Variants in NFKBIB observed in about 807,000 individuals in gnomAD.
NFKBIB encodes NF-kappa-B inhibitor beta.
NFKBIB carries 16 observed loss-of-function variants against 32.1 expected under a neutral mutation model. That is an observed-to-expected ratio of 0.50 (90% CI 0.34 to 0.76). NFKBIB has a LOEUF of 0.76. Ranked by LOEUF, NFKBIB falls within the 30% of genes least tolerant of loss-of-function variation. The pLI, the probability that NFKBIB is intolerant of heterozygous loss-of-function variation, is 0.01. For synonymous variants in NFKBIB, 222 were observed against 219.5 expected, an observed-to-expected ratio of 1.01 and a Z score of -0.10; for missense variants, 437 against 514.9, an observed-to-expected ratio of 0.85 and a Z score of 1.46.
At position 38,905,883 on chromosome 19, in the gene NFKBIB, C is replaced by G. The variant is rs1448950562; in HGVS notation, c.619+348C>G. ...GGACCGGGGAATGCAGAGCTCAGGC[C>G]CTCTGTGAAACTCTGGCACCCCAGG... On this transcript the variant is annotated intron_variant, in intron 3 of 5. Transcript: ENST00000313582. This position sits in a 1 kb window ranked among gnomAD's most constrained non-coding sequence, Gnocchi z 5.5. Among the ~76,000 whole-genome samples the G allele has an allele frequency of 4.6e-5, 7 of 152,130 alleles. No homozygotes were observed. Among genetic ancestry groups the G allele is most frequent in the African/African-American group, 1.4e-4 (6 of 41,406 alleles).
Position 38,907,430 on chromosome 19 carries a change from T to G in NFKBIB, c.740T>G (p.Leu247Trp). 1 of 1,598,658 alleles carries G rather than the reference T, an allele frequency of 6.3e-7. No homozygotes were observed. ...ACGTGCGGCCGGAGCCCCCTTCATT[T>G]GGCAGTGGAGGCCCAGGCAGCCGAT... The part of the protein sequence containing the change: ...EPTCGRSPLH[L>W]AVEAQAADVL... The change falls in exon 5 of 6, where the codon TTG (leucine) becomes TGG (tryptophan). Residue 247 changes from leucine to tryptophan, a missense_variant. Physicochemically the swap from Leu to Trp is moderately conservative, Grantham distance 61. Transcript: ENST00000313582.
In NFKBIB at chr19:38,907,548, C is replaced by T. The variant is rs747926685; in HGVS notation, c.858C>T (p.Asn286=). The T allele has an allele frequency of 1.1e-5, 17 of 1,612,480 alleles. No homozygotes were observed. The highest frequency in any genetic ancestry group is 2.7e-5 in the African/African-American group (2 of 74,940). Residue 286 remains asparagine (N), a synonymous_variant, in exon 5 of 6, where the codon AAC becomes AAT. Transcript: ENST00000313582. ...TPLGSAMLRP[N]PILARLLRAH... ...TCGGCAGTGCCATGCTCCGGCCCAACCCCATCCTCGCCCGCCTCCTCCGTG... is the reference window on the plus strand; with the variant it reads ...TCGGCAGTGCCATGCTCCGGCCCAATCCCATCCTCGCCCGCCTCCTCCGTG...
rs1974081479 is a variant in NFKBIB, at chr19:38,905,311, A to G, written c.395A>G (p.His132Arg). The G allele has an allele frequency of 6.2e-7, 1 of 1,608,664 alleles. No individual in the cohort carries two copies. Among genetic ancestry groups the G allele is most frequent in the African/African-American group, 1.3e-5 (1 of 74,830 alleles). ...GAGCGTAGGGGCCACACGGCGCTGC[A>G]CCTGGCCTGCCGTGTGGGGGCACAC... is the stretch of plus-strand genomic sequence containing the variant. ...VAERRGHTALHLACRVGAHAC... is the reference protein window; with the variant it reads ...VAERRGHTALRLACRVGAHAC... Residue 132 changes from histidine to arginine, a missense_variant, in exon 3 of 6, where the codon CAC (histidine) becomes CGC (arginine). By Grantham distance (29) the His-to-Arg change is conservative. Coordinates refer to ENST00000313582, the MANE Select transcript of NFKBIB (RefSeq NM_002503.5). The surrounding 1 kb of genome is among the most constrained non-coding windows in gnomAD (Gnocchi z 5.5).
chr19:38,899,874 A>G, upstream of NFKBIB: 1 of 774,878 alleles, frequency 1.3e-6, no homozygotes, highest in Non-Finnish European at 2.0e-6. Context: ...ATTGGTCAGG[A>G]TGCAGTACGA....
At position 38,908,740 on chromosome 19, in the gene NFKBIB, G is replaced by A. The variant is rs141886159; in HGVS notation, c.979G>A (p.Asp327Asn). The A allele has an allele frequency of 1.1e-5, 18 of 1,612,938 alleles. 1 individual carries two copies. Among genetic ancestry groups the A allele is most frequent in the African/African-American group, 1.1e-4 (8 of 74,808 alleles). The part of the protein sequence containing the change: ...SDSGDEGDEY[D>N]DIVVHSSRSQ... ...TCCCCTTTGCCCCCAGGATGAATAC[G>A]ACGACATTGTGGTTCACAGCAGCCG... Residue 327 changes from aspartate (D) to asparagine (N), a missense_variant, in exon 6 of 6, where the codon GAC (aspartate) becomes AAC (asparagine). Coordinates refer to ENST00000313582, the MANE Select transcript of NFKBIB (RefSeq NM_002503.5).
upstream of NFKBIB, chr19:38,899,808 G>C (rs1269233463): frequency 2.9e-6 from 2 of 684,368 alleles, no homozygotes; most frequent in Non-Finnish European, 4.9e-6. Context: ...TGTTGGTAAA[G>C]GGCGCCCGGA....
At chr19:38,902,919 CAA>C (rs1372179601) in intron 1 of NFKBIB, among the ~76,000 whole-genome samples, 1 of 152,066 alleles carries the variant, frequency 6.6e-6, no homozygotes, top group African/African-American at 2.4e-5. Flanking sequence ...ACTAAAAATA[CAA>C]AAAGTTAGCT....
rs17883392 is a variant in NFKBIB at position 38,904,749 on chromosome 19, CTTGTTTGT to C, written c.180-251_180-244del. ...TTCATATACCGTATTTCGTCTGACT[CTTGTTTGT>C]TTGTTTGTTTGTTTCACGTGGGAGT... On this transcript the variant is annotated intron_variant, in intron 1 of 5. Coordinates refer to ENST00000313582, the MANE Select transcript of NFKBIB (RefSeq NM_002503.5). Among the ~76,000 whole-genome samples the C allele has an allele frequency of 2.3e-4, 35 of 151,178 alleles. 1 individual carries two copies. The highest frequency in any genetic ancestry group is 6.3e-4 in the South Asian group (3 of 4,798).
At position 38,900,031 on chromosome 19, in the gene NFKBIB, C is replaced by G; in HGVS notation, c.-2C>G. On this transcript the variant is annotated 5_prime_UTR_variant, in exon 1 of 6. Transcript: ENST00000313582. ...CGGGGGGCCCCTGAGGCGGCGGGGGCCATGGCTGGGGTCGCGTGCTTGGGA... is the reference window on the plus strand; with the variant it reads ...CGGGGGGCCCCTGAGGCGGCGGGGGGCATGGCTGGGGTCGCGTGCTTGGGA... 6.8e-7 allele frequency: 1 copy of G among 1,469,026 alleles called. No individual in the cohort carries two copies. Among genetic ancestry groups the G allele is most frequent in the Non-Finnish European group, 9.0e-7 (1 of 1,112,288 alleles). 91.0% of individuals were successfully genotyped at this position (1,469,026 alleles called of 1,614,324 possible).
chr19:38,905,592 C>T lies in NFKBIB; in HGVS notation c.619+57C>T. On this transcript the variant is annotated intron_variant, in intron 3 of 5. Coordinates refer to ENST00000313582, the MANE Select transcript of NFKBIB (RefSeq NM_002503.5). The surrounding 1 kb of genome is among the most constrained non-coding windows in gnomAD (Gnocchi z 5.5). Reference sequence around the variant, plus strand: ...CCTGGGCTAGGCGAGAGCACCTGGCCCTGGGCTCAGCTTCCCTGATTTGAG... The same window carrying T: ...CCTGGGCTAGGCGAGAGCACCTGGCTCTGGGCTCAGCTTCCCTGATTTGAG... The T allele has an allele frequency of 7.1e-7, 1 of 1,399,338 alleles. No homozygotes were observed. The highest frequency in any genetic ancestry group is 9.8e-7 in the Non-Finnish European group (1 of 1,024,380). The allele number at this position is 1,399,338 out of a possible 1,614,324, so 86.7% of individuals were successfully genotyped here. A position where few individuals can be genotyped will look rare whatever the true frequency, so the allele number is the denominator to read the frequency against.
upstream of NFKBIB, chr19:38,899,832 G>A (rs1374900917): frequency 1.4e-6 from 1 of 705,218 alleles, no homozygotes; most frequent in African/African-American, 1.8e-5. Context: ...TGTGGGAACG[G>A]CTAGAGAGTT....
intron 1 of NFKBIB, among the ~76,000 whole-genome samples, chr19:38,900,722 A>T (rs868371367): frequency 5.3e-4 from 80 of 152,228 alleles, no homozygotes; most frequent in African/African-American, 1.8e-3. Flanking sequence ...TAGGAAAATT[A>T]AAAAAAAGAA....
intron 1 of NFKBIB, among the ~76,000 whole-genome samples, chr19:38,903,686 T>C (rs1277490033): frequency 6.6e-6 from 1 of 152,218 alleles, no homozygotes; most frequent in East Asian, 1.9e-4. Flanking sequence ...GGATCATGTT[T>C]TCCTGCTTCT....
In NFKBIB at chr19:38,907,272, G is replaced by T; in HGVS notation, c.671G>T (p.Arg224Leu). Residue 224 changes from arginine to leucine, a missense_variant, in exon 4 of 6, where the codon CGG becomes CTG. Arg to Leu is a moderately radical substitution (Grantham distance 102). Transcript: ENST00000313582. Reference protein sequence around the residue: ...AVIHKDVEMVRLLRDAGADLD... With the variant: ...AVIHKDVEMVLLLRDAGADLD... ...ATCCACAAAGATGTGGAGATGGTCC[G>T]GCTGCTCCGAGATGCTGGAGCTGAC... is the stretch of plus-strand genomic sequence containing the variant. The T allele has an allele frequency of 1.2e-6, 2 of 1,613,700 alleles. No homozygotes were observed. Among genetic ancestry groups the T allele is most frequent in the Non-Finnish European group, 1.7e-6 (2 of 1,179,774 alleles).
intron 3 of NFKBIB, 49 bp from the exon 4 acceptor site, chr19:38,907,172 T>G (rs1974154780): frequency 3.3e-6 from 5 of 1,505,534 alleles, no homozygotes; most frequent in South Asian, 1.2e-5. Context: ...CACGGTGGGG[T>G]GGGGGGGGCC....
At chr19:38,903,415 G>T (rs1371092176) in intron 1 of NFKBIB, among the ~76,000 whole-genome samples, 1 of 151,872 alleles carries the variant, frequency 6.6e-6, no homozygotes, top group Non-Finnish European at 1.5e-5. Context: ...TCCTGTGTAG[G>T]TGGGATTACA....
rs1356838894 is a variant in NFKBIB at position 38,908,067 on chromosome 19, G to GA, written c.969+409dup. On this transcript the variant is annotated intron_variant, in intron 5 of 5. Transcript: ENST00000313582. ...GGGCAGGACCCGAGCCAGCGGTGGGGAGAGATATAGTCAGAGAACCCAGCA... is the reference window on the plus strand; with the variant it reads ...GGGCAGGACCCGAGCCAGCGGTGGGGAAGAGATATAGTCAGAGAACCCAGCA... 3.4e-5 allele frequency: 36 copies of GA among 1,061,740 alleles called. No individual in the cohort carries two copies. The African/African-American group carries it at 6.0e-4, about 18-fold the overall frequency. 65.8% of individuals were successfully genotyped at this position (1,061,740 alleles called of 1,614,324 possible).
At position 38,905,401 on chromosome 19, in the gene NFKBIB, T is replaced by G; in HGVS notation, c.485T>G (p.Leu162Arg). Residue 162 changes from leucine (L) to arginine (R), a missense_variant, in exon 3 of 6, where the codon CTC becomes CGC. Physicochemically the swap from Leu to Arg is moderately radical, Grantham distance 102 (BLOSUM62 -2). Transcript: ENST00000313582. This position sits in a 1 kb window ranked among gnomAD's most constrained non-coding sequence, Gnocchi z 5.5. ...RRPREAPDTY[L>R]AQGPDRTPDT... ...CCCAGGGAAGCCCCCGACACCTACC[T>G]CGCTCAGGGCCCTGACCGTACTCCC... The G allele has an allele frequency of 6.2e-7, 1 of 1,613,414 alleles. No homozygotes were observed. The highest frequency in any genetic ancestry group is 8.5e-7 in the Non-Finnish European group (1 of 1,179,770).
In NFKBIB at chr19:38,900,277, G is replaced by T. The variant is rs1973905195; in HGVS notation, c.179+66G>T. ...GGCGTCACATTCCTCATTAATCTCT[G>T]ATCCCTGAGGCTTCCTAACCTCATA... On this transcript the variant is annotated intron_variant, in intron 1 of 5. Coordinates refer to ENST00000313582, the MANE Select transcript of NFKBIB (RefSeq NM_002503.5). The T allele has an allele frequency of 2.7e-6, 4 of 1,472,632 alleles. No individual in the cohort carries two copies. In the African/African-American group the frequency reaches 5.7e-5, roughly 21 times the overall value. The allele number at this position is 1,472,632 out of a possible 1,614,324, so 91.2% of individuals were successfully genotyped here.
Sources: allele counts gnomAD v4.1 joint callset (sites outside exome capture counted in the v4.1 genomes callset), GRCh38; gene constraint gnomAD v4.1.1; non-coding constraint Gnocchi (gnomAD v3.1); transcripts MANE v1.5; gene names NCBI Gene and HGNC (gene_info 2026-07-23, HGNC 2026-07-21).